Variants in NSG2 observed in about 807,000 individuals in gnomAD.
NSG2 encodes neuronal vesicle trafficking associated 2.
In NSG2, 4 loss-of-function variants were observed where a neutral mutation model predicts 16.9. The observed-to-expected ratio is 0.24, with a 90% CI of 0.12 to 0.54. The LOEUF (loss-of-function observed/expected upper bound fraction) is 0.54, where lower values mean the gene tolerates loss of function less well. NSG2 is among the 20% of genes least tolerant of loss of function. The pLI, the probability that NSG2 is intolerant of heterozygous loss-of-function variation, is 0.95. For missense variants in NSG2, 179 were observed against 221.1 expected, an observed-to-expected ratio of 0.81 and a Z score of 1.21; for synonymous variants, 98 against 88.7, an observed-to-expected ratio of 1.11 and a Z score of -0.59.
At chr5:174,085,388 C>G (rs58489166) in intron 3 of NSG2, among the ~76,000 whole-genome samples, 19,297 of 152,174 alleles carry the variant, frequency 0.13, 1,591 homozygotes, top group African/African-American at 0.23. Context: ...GCCTATTCTC[C>G]TTTTCCCACC....
chr5:174,077,891 A>C (rs549689335), intron 3 of NSG2, among the ~76,000 whole-genome samples: 6 of 152,190 alleles, frequency 3.9e-5, no homozygotes, highest in Non-Finnish European at 8.8e-5. Flanking sequence ...AATAACATAC[A>C]AATGCACAAC....
At chr5:174,060,949 G>A (rs1176213357) in intron 2 of NSG2, among the ~76,000 whole-genome samples, 1 of 152,104 alleles carries the variant, frequency 6.6e-6, no homozygotes, top group Non-Finnish European at 1.5e-5. Flanking sequence ...CATAACCACA[G>A]GTCCAGCCCA....
intron 2 of NSG2, among the ~76,000 whole-genome samples, chr5:174,059,287 C>A (rs917943806): frequency 6.6e-6 from 1 of 152,102 alleles, no homozygotes; most frequent in Non-Finnish European, 1.5e-5. Context: ...TGTAGTATAG[C>A]GGTGAGGCAT....
chr5:174,087,742 C>T (rs193200470), intron 3 of NSG2, among the ~76,000 whole-genome samples: 16 of 151,572 alleles, frequency 1.1e-4, no homozygotes, highest in Admixed American at 6.6e-4. Flanking sequence ...GAGCCAAGAT[C>T]GCACCACTGC....
At chr5:174,059,596 C>G (rs1198511081) in intron 2 of NSG2, among the ~76,000 whole-genome samples, 1 of 152,102 alleles carries the variant, frequency 6.6e-6, no homozygotes, top group Non-Finnish European at 1.5e-5. Flanking sequence ...AACAGAAAAC[C>G]CAGCCAAAAT....
chr5:174,059,362 G>A (rs1760014690), intron 2 of NSG2, among the ~76,000 whole-genome samples: 1 of 152,262 alleles, frequency 6.6e-6, no homozygotes, highest in South Asian at 2.1e-4. Context: ...GATGTTCCCA[G>A]TTTGGGGCTA....
chr5:174,071,763 C>T (rs758259306), intron 3 of NSG2, among the ~76,000 whole-genome samples: 3 of 152,114 alleles, frequency 2.0e-5, no homozygotes, highest in South Asian at 2.1e-4. Flanking sequence ...AGAGGCAGAG[C>T]GAGCCATCTG....
intron 3 of NSG2, among the ~76,000 whole-genome samples, chr5:174,070,499 T>C (rs1760220121): frequency 6.6e-6 from 1 of 152,212 alleles, no homozygotes; most frequent in South Asian, 2.1e-4. Context: ...TCCTGCCTTC[T>C]TTCCTTCCTT....
chr5:174,082,604 C>G (rs1398297598), intron 3 of NSG2: 1 of 152,218 alleles, frequency 6.6e-6, no homozygotes, highest in Non-Finnish European at 1.5e-5. Context: ...ACTCACTTCT[C>G]TTCCATGAAT....
intron 2 of NSG2, among the ~76,000 whole-genome samples, chr5:174,062,092 T>A (rs1760062352): frequency 6.6e-6 from 1 of 152,070 alleles, no homozygotes; most frequent in Non-Finnish European, 1.5e-5. Context: ...AGCACCCAGA[T>A]GTTATTGGAT....
intron 3 of NSG2, 109 bp from the exon 4 acceptor site, chr5:174,104,119 C>G (rs1561677035): frequency 1.3e-6 from 1 of 745,620 alleles, no homozygotes; most frequent in Non-Finnish European, 2.4e-6. Context: ...GGGCCTGTCC[C>G]CCTTTCTAGC....
chr5:174,078,206 T>C (rs940274083), intron 3 of NSG2, among the ~76,000 whole-genome samples: 11 of 152,258 alleles, frequency 7.2e-5, no homozygotes, highest in African/African-American at 2.6e-4. Context: ...AGGAGCAGCT[T>C]CCTATGTTCC....
chr5:174,068,698 G>T (rs1361511858), intron 3 of NSG2, among the ~76,000 whole-genome samples: 2 of 150,536 alleles, frequency 1.3e-5, no homozygotes, highest in Admixed American at 6.6e-5. Context: ...GAAGGTGCTG[G>T]TGCTGTGGAA....
intron 2 of NSG2, among the ~76,000 whole-genome samples, chr5:174,048,711 T>C (rs1759838949): frequency 6.6e-6 from 1 of 152,150 alleles, no homozygotes; most frequent in Non-Finnish European, 1.5e-5. Context: ...TGTCCCCCCT[T>C]ACTCTCCCAC....
intron 3 of NSG2, among the ~76,000 whole-genome samples, chr5:174,070,793 C>T (rs62395635): frequency 0.048 from 7,383 of 152,258 alleles, 232 homozygotes; most frequent in Middle Eastern, 0.065. Flanking sequence ...CTCTGCCTGG[C>T]CTATCCCGCA....
At chr5:174,094,020 C>G (rs948878828) in intron 3 of NSG2, among the ~76,000 whole-genome samples, 11 of 152,196 alleles carry the variant, frequency 7.2e-5, no homozygotes, top group Non-Finnish European at 1.6e-4. Context: ...ATGCATCGTG[C>G]ATGGTATCTT....
At chr5:174,051,420 A>G (rs1035318374) in intron 2 of NSG2, among the ~76,000 whole-genome samples, 3 of 152,092 alleles carry the variant, frequency 2.0e-5, no homozygotes, top group Non-Finnish European at 2.9e-5. Flanking sequence ...GTATGATGTC[A>G]ATATTAATCT....
intron 3 of NSG2, among the ~76,000 whole-genome samples, chr5:174,076,845 G>C (rs1385140470): frequency 6.6e-6 from 1 of 152,182 alleles, no homozygotes; most frequent in Admixed American, 6.5e-5. Flanking sequence ...ACATAGGACA[G>C]CTCCTTACAA....
At chr5:174,085,783 G>A (rs1314231784) in intron 3 of NSG2, among the ~76,000 whole-genome samples, 1 of 152,240 alleles carries the variant, frequency 6.6e-6, no homozygotes, top group Admixed American at 6.5e-5. Flanking sequence ...CCAGAGGAAG[G>A]CCTAGGTGTA....
Sources: gnomAD v4.1 joint callset for allele counts (sites outside exome capture counted in the v4.1 genomes callset) on GRCh38, gnomAD v4.1.1 for gene constraint, MANE v1.5 for transcripts, NCBI Gene and HGNC (gene_info 2026-07-23, HGNC 2026-07-21) for gene names.